Variants in RNF14 observed in about 807,000 individuals in gnomAD.
RNF14 encodes the protein E3 ubiquitin-protein ligase RNF14.
Under a neutral mutation model 52.6 loss-of-function variants are expected in RNF14, and 26 were observed. That is an observed-to-expected ratio of 0.49 (90% CI 0.36 to 0.69). The LOEUF (loss-of-function observed/expected upper bound fraction) is 0.69. Ranked by LOEUF, RNF14 falls within the 30% of genes least tolerant of loss-of-function variation. The probability of loss-of-function intolerance (pLI) is 0.00; values close to 1 mark genes in which losing one functional copy is unlikely to be tolerated. For synonymous variants in RNF14, 194 were observed against 202.0 expected (o/e 0.96, Z 0.34); for missense variants, 404 against 560.4 (o/e 0.72, Z 2.82).
intron 4 of RNF14, 65 bp downstream of exon 4, chr5:141,975,020 G>A: frequency 6.6e-7 from 1 of 1,525,000 alleles, no homozygotes; most frequent in Non-Finnish European, 9.0e-7. Context: ...TTTAATTGAA[G>A]ACTATCTTAA....
At chr5:141,956,500 C>T (rs953680336), upstream of RNF14, 38 of 1,614,120 alleles carry the variant, frequency 2.4e-5, no homozygotes, top group Non-Finnish European at 3.1e-5. Flanking sequence ...GTTGATGTCA[C>T]TGATCTGAAT....
upstream of RNF14, chr5:141,957,436 T>C: frequency 6.2e-7 from 1 of 1,612,694 alleles, no homozygotes; most frequent in South Asian, 1.1e-5. The surrounding 1 kb of genome is among the most constrained non-coding windows in gnomAD (Gnocchi z 4.3). Flanking sequence ...CAGCTCCTGC[T>C]CGCCTTTGGG....
At chr5:141,955,970 A>C, upstream of RNF14, 1 of 1,614,160 alleles carries the variant, frequency 6.2e-7, no homozygotes. This position sits in a 1 kb window ranked among gnomAD's most constrained non-coding sequence, Gnocchi z 5.5. Flanking sequence ...TTTGCCCCCG[A>C]GTCTGCATCT....
chr5:141,976,658 CAG>C (rs917842346), intron 4 of RNF14, among the ~76,000 whole-genome samples: 1 of 152,070 alleles, frequency 6.6e-6, no homozygotes, highest in African/African-American at 2.4e-5. Flanking sequence ...GGCGGGTAGA[CAG>C]AGGGAAGTGG....
chr5:141,981,446 A>G (rs1242587687), intron 6 of RNF14, among the ~76,000 whole-genome samples: 1 of 152,146 alleles, frequency 6.6e-6, no homozygotes, highest in Non-Finnish European at 1.5e-5. Flanking sequence ...TCTGCTTCTA[A>G]AAAAATTAAA....
intron 2 of RNF14, among the ~76,000 whole-genome samples, chr5:141,971,577 TTCTTTCTTTC>T (rs1753765899): frequency 2.3e-4 from 1 of 4,394 alleles, no homozygotes; most frequent in African/African-American, 1.4e-3. Flanking sequence ...CTTTCTTTCT[TTCTTTCTTTC>T]TTTCTTTCTT....
chr5:141,984,775 A>T, intron 7 of RNF14, 28 bp from the exon 8 acceptor site: 1 of 1,610,994 alleles, frequency 6.2e-7, no homozygotes, highest in Non-Finnish European at 8.5e-7. Flanking sequence ...CAGCCTTGAT[A>T]TTTTTCTCTT....
chr5:141,953,813 C>T (rs1753129455), upstream of RNF14, among the ~76,000 whole-genome samples: 1 of 152,222 alleles, frequency 6.6e-6, no homozygotes, highest in South Asian at 2.1e-4. Flanking sequence ...GGGCCATCTC[C>T]AGGTGGCTTC....
At chr5:141,956,258 C>G (rs1324050789), upstream of RNF14, 6 of 1,614,234 alleles carry the variant, frequency 3.7e-6, no homozygotes, top group African/African-American at 5.3e-5. Context: ...ACCTGGAACT[C>G]AAAGCCGGCC....
In RNF14 at chr5:141,974,792, T is replaced by C; in HGVS notation, c.155-12T>C. The C allele has an allele frequency of 6.2e-7, 1 of 1,612,508 alleles. No homozygotes were observed. The highest frequency in any genetic ancestry group is 8.5e-7 in the Non-Finnish European group (1 of 1,178,810). ...ACCAACTGATCCTTTCTAATCTTTG[T>C]TTTTGGTTCAGGCAATTCAAATGAG... is the stretch of plus-strand genomic sequence containing the variant. On this transcript the variant is annotated splice_polypyrimidine_tract_variant and intron_variant, in intron 3 of 8. Coordinates refer to ENST00000394520, the MANE Select transcript of RNF14 (RefSeq NM_004290.5).
At chr5:141,949,553 A>G in the RNF14 span, 4 of 1,614,090 alleles carry the variant, frequency 2.5e-6, no homozygotes, top group Non-Finnish European at 3.4e-6. Context: ...CAGCCCTTGC[A>G]CTTGGGCCAT....
chr5:141,975,924 CAA>C (rs5871799), intron 4 of RNF14, among the ~76,000 whole-genome samples: 8,846 of 131,122 alleles, frequency 0.067, 373 homozygotes, highest in Non-Finnish European at 0.098. Flanking sequence ...GACCCTGTCT[CAA>C]AAAAAAAAAA....
chr5:141,951,427 G>T, the RNF14 span: 4 of 1,175,658 alleles, frequency 3.4e-6, no homozygotes, highest in Admixed American at 5.1e-5. Flanking sequence ...CACTCACAGA[G>T]GCTGCAGTGA....
the RNF14 span, among the ~76,000 whole-genome samples, chr5:141,951,756 C>T: frequency 1.3e-5 from 2 of 152,230 alleles, no homozygotes; most frequent in Non-Finnish European, 2.9e-5. Context: ...AGACAGGGAC[C>T]TGGGCGGGCA....
chr5:141,954,601 C>T (rs1372986904), upstream of RNF14, among the ~76,000 whole-genome samples: 2 of 152,178 alleles, frequency 1.3e-5, no homozygotes, highest in East Asian at 3.8e-4. Flanking sequence ...CCCAGGTAAC[C>T]TTGCCCAAAG....
At chr5:141,949,543 C>T in the RNF14 span, 5 of 1,614,160 alleles carry the variant, frequency 3.1e-6, no homozygotes, top group Admixed American at 8.3e-5. Context: ...GTCTGGCCTC[C>T]AGCCCTTGCA....
At chr5:141,959,899 A>G (rs892251705) in intron 1 of RNF14, among the ~76,000 whole-genome samples, 5 of 152,148 alleles carry the variant, frequency 3.3e-5, no homozygotes, top group African/African-American at 1.2e-4. Flanking sequence ...CATCGATCTC[A>G]CAAGGTGGGG....
the RNF14 span, chr5:141,949,492 C>T: frequency 6.2e-7 from 1 of 1,614,046 alleles, no homozygotes; most frequent in African/African-American, 1.3e-5. Context: ...ACAGAGAGGT[C>T]CTCTTCAGGA....
intron 6 of RNF14, among the ~76,000 whole-genome samples, chr5:141,982,394 G>C (rs1754864838): frequency 6.6e-6 from 1 of 152,192 alleles, no homozygotes; most frequent in Non-Finnish European, 1.5e-5. Context: ...GAATTCACAG[G>C]TGAAAGCAAA....
Sources: allele counts gnomAD v4.1 joint callset (sites outside exome capture counted in the v4.1 genomes callset), GRCh38; gene constraint gnomAD v4.1.1; non-coding constraint Gnocchi (gnomAD v3.1); transcripts MANE v1.5; gene names NCBI Gene and HGNC (gene_info 2026-07-23, HGNC 2026-07-21).